WWOX: variants seen among roughly 807,000 people sequenced by gnomAD.
WWOX encodes WW domain containing oxidoreductase.
WWOX carries 69 observed loss-of-function variants against 46.2 expected under a neutral mutation model. That is an observed-to-expected ratio of 1.49 (90% confidence interval 1.23 to 1.82). The LOEUF (loss-of-function observed/expected upper bound fraction) is 1.82, where lower values mean the gene tolerates loss of function less well. Ranked by LOEUF, WWOX falls within the 40% of genes most tolerant of loss-of-function variation. The pLI, the probability that WWOX is intolerant of heterozygous loss-of-function variation, is 0.00. For missense variants in WWOX, 919 were observed against 542.6 expected, an observed-to-expected ratio of 1.69 and a Z score of -6.89; for synonymous variants, 359 against 202.6, an observed-to-expected ratio of 1.77 and a Z score of -6.56.
intron 8 of WWOX, among the ~76,000 whole-genome samples, chr16:78,719,133 C>A (rs2048635997): frequency 6.6e-6 from 1 of 152,198 alleles, no homozygotes; most frequent in Non-Finnish European, 1.5e-5. Flanking sequence ...CATCATGTAT[C>A]ATCTGTGTGA....
At chr16:79,096,174 C>G (rs1175154588) in intron 8 of WWOX, among the ~76,000 whole-genome samples, 2 of 151,848 alleles carry the variant, frequency 1.3e-5, no homozygotes, top group African/African-American at 4.8e-5. Context: ...GACCACAGTC[C>G]TTTCTTTTAA....
intron 4 of WWOX, among the ~76,000 whole-genome samples, chr16:78,129,343 A>G (rs1198925231): frequency 6.6e-6 from 1 of 152,124 alleles, no homozygotes; most frequent in Non-Finnish European, 1.5e-5. Context: ...AAGGTGTATT[A>G]ATGTCCTGTT....
rs1345642281 is a variant in WWOX, at chr16:78,859,011, A to G, written c.1057-352597A>G. On this transcript the variant is annotated intron_variant, in intron 8 of 8. Transcript: ENST00000566780. The stretch of plus-strand genomic sequence containing the variant: ...ACTAGTTTTGAAATTTAAAAAAAAA[A>G]AAAAAAAAAAAAAAAAATATATATA... Among the ~76,000 whole-genome samples the G allele has an allele frequency of 8.0e-5, 4 of 50,220 alleles. 1 individual carries two copies. The highest frequency in any genetic ancestry group is 1.2e-4 in the Non-Finnish European group (3 of 25,742). The allele number at this position is 50,220 out of a possible 152,430, so 32.9% of individuals were successfully genotyped here.
In WWOX at chr16:78,565,251, T is replaced by C. The variant is rs114742255; in HGVS notation, c.1056+132499T>C. Among the ~76,000 whole-genome samples the C allele has an allele frequency of 6.9e-3, 1,047 of 152,334 alleles. 7 individuals carry two copies. The highest frequency in any genetic ancestry group is 0.024 in the African/African-American group (999 of 41,568). On this transcript the variant is annotated intron_variant, in intron 8 of 8. Transcript: ENST00000566780. The stretch of plus-strand genomic sequence containing the variant: ...CAAATTACCAAAAACGTACTGGCTT[T>C]AAACAACACATGCTTATCATGTTGC...
In WWOX at chr16:78,549,610, C is replaced by G. The variant is rs1457502247; in HGVS notation, c.1056+116858C>G. ...CTCCAGACCATTTGATCGAAGAGCTCTTGTTAGGAGATTAGGCTGCTAATC... is the reference window on the plus strand; with the variant it reads ...CTCCAGACCATTTGATCGAAGAGCTGTTGTTAGGAGATTAGGCTGCTAATC... On this transcript the variant is annotated intron_variant, in intron 8 of 8. Transcript: ENST00000566780. Among the ~76,000 whole-genome samples, 4 of 152,096 alleles carry G rather than the reference C, an allele frequency of 2.6e-5. No individual in the cohort carries two copies. In the East Asian group the frequency reaches 7.7e-4, roughly 29 times the overall value.
chr16:78,482,326 A>G (rs1297804937), intron 8 of WWOX, among the ~76,000 whole-genome samples: 1 of 152,048 alleles, frequency 6.6e-6, no homozygotes, highest in African/African-American at 2.4e-5. Flanking sequence ...ACCTCTGTCG[A>G]TTCTCCTTCC....
chr16:78,598,330 T>G (rs2045539077), intron 8 of WWOX, among the ~76,000 whole-genome samples: 1 of 152,196 alleles, frequency 6.6e-6, no homozygotes, highest in South Asian at 2.1e-4. Context: ...GTCTGTCACG[T>G]GGGAGGATTT....
chr16:78,850,612 A>C (rs1397205796), intron 8 of WWOX, among the ~76,000 whole-genome samples: 1 of 152,088 alleles, frequency 6.6e-6, no homozygotes, highest in African/African-American at 2.4e-5. Context: ...CTGCTACTTC[A>C]TATTTACCAT....
intron 8 of WWOX, among the ~76,000 whole-genome samples, chr16:78,786,719 C>A (rs540805151): frequency 2.9e-4 from 44 of 152,326 alleles, no homozygotes; most frequent in African/African-American, 1.1e-3. Flanking sequence ...TCATATCACT[C>A]AATCACTGTT....
chr16:79,148,799 G>C (rs558914904), intron 8 of WWOX, among the ~76,000 whole-genome samples: 79 of 150,304 alleles, frequency 5.3e-4, no homozygotes, highest in Non-Finnish European at 1.1e-3. Flanking sequence ...AAATGGCATT[G>C]TGTTTTTAAT....
chr16:78,461,215 C>G (rs1413557967), intron 8 of WWOX, among the ~76,000 whole-genome samples: 2 of 152,120 alleles, frequency 1.3e-5, no homozygotes, highest in East Asian at 3.9e-4. Context: ...TACTTTAAAT[C>G]AGAGAGCCCA....
At chr16:78,189,411 TA>T (rs2035811626) in intron 5 of WWOX, among the ~76,000 whole-genome samples, 1 of 152,218 alleles carries the variant, frequency 6.6e-6, no homozygotes, top group Non-Finnish European at 1.5e-5. Context: ...TCGCTGTCTT[TA>T]CTGGTGTATG....
chr16:78,986,381 T>C (rs925991410), intron 8 of WWOX, among the ~76,000 whole-genome samples: 1 of 152,206 alleles, frequency 6.6e-6, no homozygotes, highest in Non-Finnish European at 1.5e-5. Flanking sequence ...CTCCCTGTGC[T>C]CCACGAAGAA....
chr16:78,591,666 A>G (rs536121702), intron 8 of WWOX, among the ~76,000 whole-genome samples: 6 of 152,302 alleles, frequency 3.9e-5, no homozygotes, highest in Admixed American at 2.6e-4. Context: ...AATGAGCATA[A>G]CCATATCAGT....
intron 4 of WWOX, among the ~76,000 whole-genome samples, chr16:78,125,494 T>G: frequency 6.6e-6 from 1 of 152,166 alleles, no homozygotes; most frequent in Non-Finnish European, 1.5e-5. Context: ...CCCGGTCAAG[T>G]GCTGGGAGTG....
chr16:78,848,613 C>T (rs1022685006), intron 8 of WWOX, among the ~76,000 whole-genome samples: 1 of 152,102 alleles, frequency 6.6e-6, no homozygotes, highest in Non-Finnish European at 1.5e-5. Flanking sequence ...GTGGGAAGGG[C>T]AGGAGTATCT....
intron 8 of WWOX, among the ~76,000 whole-genome samples, chr16:78,659,292 C>G (rs1056788364): frequency 6.6e-6 from 1 of 151,876 alleles, no homozygotes; most frequent in African/African-American, 2.4e-5. Context: ...GGAATTCAGC[C>G]CAGTTTTTTC....
At chr16:78,505,983 A>G (rs765285188) in intron 8 of WWOX, among the ~76,000 whole-genome samples, 3 of 152,190 alleles carry the variant, frequency 2.0e-5, no homozygotes, top group Non-Finnish European at 2.9e-5. Flanking sequence ...GAGAGAAATG[A>G]TCCGGCAAGA....
intron 5 of WWOX, among the ~76,000 whole-genome samples, chr16:78,360,456 A>C (rs916179752): frequency 6.6e-6 from 1 of 151,912 alleles, no homozygotes; most frequent in African/African-American, 2.4e-5. Context: ...ATGGCAGCGC[A>C]CACCTGTAAT....
Sources: allele counts gnomAD v4.1 joint callset (sites outside exome capture counted in the v4.1 genomes callset), GRCh38; gene constraint gnomAD v4.1.1; transcripts MANE v1.5; gene names NCBI Gene and HGNC (gene_info 2026-07-23, HGNC 2026-07-21).